VXN: variants seen among roughly 807,000 people sequenced by gnomAD.
The protein encoded by VXN is vexin, also known as uncharacterized protein C8orf46.
Under a neutral mutation model 23.1 loss-of-function variants are expected in VXN, and 7 were observed. The ratio of observed to expected loss-of-function variants is 0.30; its 90% CI spans 0.17 to 0.57. VXN has a LOEUF of 0.57. Among genes scored for constraint, VXN ranks in the 20% least tolerant of loss-of-function variants. VXN has a pLI of 0.91. For missense variants in VXN, 238 were observed against 272.6 expected, an observed-to-expected ratio of 0.87 and a Z score of 0.89; for synonymous variants, 120 against 105.8, an observed-to-expected ratio of 1.13 and a Z score of -0.83.
chr8:66,494,342 G>C (rs764815415), intron 1 of VXN, among the ~76,000 whole-genome samples: 3 of 152,104 alleles, frequency 2.0e-5, no homozygotes, highest in Non-Finnish European at 2.9e-5. Flanking sequence ...TTTGTGTGAG[G>C]GTTCTGATGA....
In VXN at chr8:66,513,584, C is replaced by G; in HGVS notation, c.387C>G (p.Ala129=). The G allele has an allele frequency of 6.2e-7, 1 of 1,614,192 alleles. No individual in the cohort carries two copies. The highest frequency in any genetic ancestry group is 8.5e-7 in the Non-Finnish European group (1 of 1,180,016). The change falls in exon 5 of 6, where the codon GCC becomes GCG. Residue 129 remains alanine (A), a synonymous_variant. Coordinates refer to ENST00000305454, the MANE Select transcript of VXN (RefSeq NM_152765.4). The part of the protein sequence containing the change: ...PRISVKTSAS[A]SLEATAMGTE... The stretch of plus-strand genomic sequence containing the variant: ...TCTCAGTGAAAACTTCAGCCTCTGC[C>G]TCATTGGAGGCGACAGCCATGGGCA...
intron 2 of VXN, among the ~76,000 whole-genome samples, chr8:66,502,579 T>C (rs1012121367): frequency 2.6e-5 from 4 of 152,018 alleles, no homozygotes; most frequent in African/African-American, 9.7e-5. Context: ...AAACCCCATC[T>C]CTACTAAAAA....
At chr8:66,495,086 A>C (rs1019665643) in intron 1 of VXN, 1 of 152,224 alleles carries the variant, frequency 6.6e-6, no homozygotes, top group African/African-American at 2.4e-5. Flanking sequence ...ATGGATATGT[A>C]TCTAGAGAAA....
intron 1 of VXN, among the ~76,000 whole-genome samples, chr8:66,494,319 C>T (rs1441981515): frequency 6.6e-6 from 1 of 152,098 alleles, no homozygotes; most frequent in Non-Finnish European, 1.5e-5. Context: ...CCTCAGTGAA[C>T]GGTGTTAAGG....
At position 66,516,748 on chromosome 8, in the gene VXN, G is replaced by A. The variant is rs1807901358; in HGVS notation, c.*672G>A. On this transcript the variant is annotated 3_prime_UTR_variant, in exon 6 of 6. Transcript: ENST00000305454. The stretch of plus-strand genomic sequence containing the variant: ...GTGGAATCAATAATCCCTTGCTTTG[G>A]TATAATAATTTGAACTTTTGAAAGT... 1 of 152,172 alleles carries A rather than the reference G, an allele frequency of 6.6e-6. No individual in the cohort carries two copies. The highest frequency in any genetic ancestry group is 2.1e-4 in the South Asian group (1 of 4,830). 9.4% of individuals were successfully genotyped at this position (152,172 alleles called of 1,614,324 possible). A position where few individuals can be genotyped will look rare whatever the true frequency, so the allele number is the denominator to read the frequency against.
chr8:66,507,298 A>G (rs1412170890), intron 3 of VXN, among the ~76,000 whole-genome samples: 1 of 152,174 alleles, frequency 6.6e-6, no homozygotes. Flanking sequence ...CTGTATTTTA[A>G]CAACCCTCTC....
chr8:66,513,709 AC>A, intron 5 of VXN, 72 bp downstream of exon 5: 1 of 1,328,534 alleles, frequency 7.5e-7, no homozygotes, highest in Non-Finnish European at 1.1e-6. Context: ...CCAGAAGAGC[AC>A]CAGGCCGCCT....
chr8:66,516,028 G>A lies in VXN; in HGVS notation c.576G>A (p.Lys192=). 6.2e-7 allele frequency: 1 copy of A among 1,613,590 alleles called. No individual in the cohort carries two copies. The highest frequency in any genetic ancestry group is 2.2e-5 in the East Asian group (1 of 44,848). The change falls in exon 6 of 6, where the codon AAG becomes AAA. Residue 192 remains lysine (K), a synonymous_variant. Transcript: ENST00000305454. ...GGAAAATGTGGACAAGGCACAAGAA[G>A]AAGTCTGAATATGTGGGAGCCACCA... is the stretch of plus-strand genomic sequence containing the variant. ...ILRKMWTRHK[K]KSEYVGATNS... is the part of the protein sequence containing the mutation.
chr8:66,495,805 C>T (rs1041092536), intron 1 of VXN, among the ~76,000 whole-genome samples: 1 of 152,160 alleles, frequency 6.6e-6, no homozygotes, highest in Admixed American at 6.5e-5. Context: ...GTGTACAGGT[C>T]AGTGGCATTA....
At chr8:66,505,323 T>A (rs1398960742) in intron 2 of VXN, 52 bp from the exon 3 acceptor site, 2 of 1,556,298 alleles carry the variant, frequency 1.3e-6, no homozygotes, top group East Asian at 4.8e-5. Context: ...GTTCCATGGG[T>A]CCCTAGGCCC....
At chr8:66,503,054 C>T (rs1397833914) in intron 2 of VXN, among the ~76,000 whole-genome samples, 1 of 152,044 alleles carries the variant, frequency 6.6e-6, no homozygotes, top group East Asian at 1.9e-4. Flanking sequence ...TGCCATGTTG[C>T]CCAGGCTGGT....
intron 4 of VXN, among the ~76,000 whole-genome samples, chr8:66,511,672 C>T (rs77977815): frequency 0.014 from 2,132 of 152,332 alleles, 52 homozygotes; most frequent in African/African-American, 0.048. Flanking sequence ...TGGCTTCAGA[C>T]AGTGCCCTTG....
chr8:66,513,545 G>C lies in VXN; in HGVS notation c.348G>C (p.Pro116=), dbSNP rs554693241. The C allele has an allele frequency of 1.9e-6, 3 of 1,613,940 alleles. No homozygotes were observed. The highest frequency in any genetic ancestry group is 2.5e-6 in the Non-Finnish European group (3 of 1,179,884). The change falls in exon 5 of 6, where the codon CCG becomes CCC. Residue 116 remains proline (P), a synonymous_variant. Transcript: ENST00000305454. ...GNRAYGKSLI[P]PVPRISVKTS... is the part of the protein sequence containing the mutation. ...CTCCCGCTTCCTCATGACAGATACC[G>C]CCAGTGCCCCGGATCTCAGTGAAAA...
At chr8:66,506,231 CAG>C (rs1491339834) in intron 3 of VXN, among the ~76,000 whole-genome samples, 19 of 84,788 alleles carry the variant, frequency 2.2e-4, no homozygotes, top group African/African-American at 1.0e-3. Flanking sequence ...GAGAGAGAGA[CAG>C]TGTGTGTGTG....
In VXN at chr8:66,505,549, GC is replaced by G. The variant is rs763230794; in HGVS notation, c.280+22del. ...ACCCGGTACGTGAGTCCCGGCCCCA[GC>G]TCCCCGCACCTCCCTGGGCGCAGAG... is the stretch of plus-strand genomic sequence containing the variant. On this transcript the variant is annotated intron_variant, in intron 3 of 5. Transcript: ENST00000305454. 3 of 1,465,822 alleles carry G rather than the reference GC, an allele frequency of 2.0e-6. No homozygotes were observed. The South Asian group carries it at 4.2e-5, about 21-fold the overall frequency. The allele number at this position is 1,465,822 out of a possible 1,614,324, so 90.8% of individuals were successfully genotyped here. A position where few individuals can be genotyped will look rare whatever the true frequency, so the allele number is the denominator to read the frequency against.
At chr8:66,510,573 CTTAG>C (rs1222432874) in intron 4 of VXN, among the ~76,000 whole-genome samples, 1 of 152,204 alleles carries the variant, frequency 6.6e-6, no homozygotes, top group African/African-American at 2.4e-5. Flanking sequence ...ACACCAGTGT[CTTAG>C]TTAGCACAGG....
At chr8:66,508,958 C>A (rs907352742) in intron 3 of VXN, among the ~76,000 whole-genome samples, 1 of 152,130 alleles carries the variant, frequency 6.6e-6, no homozygotes, top group Non-Finnish European at 1.5e-5. Flanking sequence ...ATTACGCATG[C>A]CACTGCACTC....
Position 66,504,952 on chromosome 8 carries a change from C to T in VXN, c.127-423C>T, listed in dbSNP as rs562991945. ...AAGTTGTCCTCTGCATGAACAAGGG[C>T]GTTGTCCACTCAGCTACAAAGACTG... On this transcript the variant is annotated intron_variant, in intron 2 of 5. Transcript: ENST00000305454. Among the ~76,000 whole-genome samples, 8 of 152,364 alleles carry T rather than the reference C, an allele frequency of 5.3e-5. No individual in the cohort carries two copies. In the South Asian group the frequency reaches 8.3e-4, roughly 16 times the overall value.
At chr8:66,497,906 G>A (rs575271231) in intron 2 of VXN, among the ~76,000 whole-genome samples, 4 of 151,798 alleles carry the variant, frequency 2.6e-5, no homozygotes, top group East Asian at 2.0e-4. Flanking sequence ...AGTGGCTCAC[G>A]CCTGTAATCC....
Sources: gnomAD v4.1 joint callset for allele counts (sites outside exome capture counted in the v4.1 genomes callset) on GRCh38, gnomAD v4.1.1 for gene constraint, MANE v1.5 for transcripts, NCBI Gene and HGNC (gene_info 2026-07-23, HGNC 2026-07-21) for gene names.